CACNA1D: variants seen among roughly 807,000 people sequenced by gnomAD.
CACNA1D encodes the protein calcium voltage-gated channel subunit alpha1 D.
CACNA1D carries 55 observed loss-of-function variants against 257.1 expected under a neutral mutation model. That is an observed-to-expected ratio of 0.21 (90% confidence interval 0.17 to 0.27). The LOEUF (loss-of-function observed/expected upper bound fraction) is 0.27, where lower values mean the gene tolerates loss of function less well. Ranked by LOEUF, CACNA1D falls within the 10% of genes least tolerant of loss-of-function variation. CACNA1D has a pLI of 1.00. For missense variants in CACNA1D, 1,876 were observed against 2,784.0 expected, an observed-to-expected ratio of 0.67 and a Z score of 7.34; for synonymous variants, 980 against 1,014.9, an observed-to-expected ratio of 0.97 and a Z score of 0.65.
intron 33 of CACNA1D, among the ~76,000 whole-genome samples, chr3:53,773,214 G>A (rs1559661871): frequency 6.6e-6 from 1 of 152,074 alleles, no homozygotes; most frequent in African/African-American, 2.4e-5. Context: ...GAAGAGAGAA[G>A]CAAGTAGCCC....
intron 29 of CACNA1D, among the ~76,000 whole-genome samples, chr3:53,761,090 G>T (rs1341376441): frequency 1.3e-5 from 2 of 152,196 alleles, no homozygotes; most frequent in African/African-American, 4.8e-5. Flanking sequence ...TGAACAGATG[G>T]AGTTGGGGTT....
chr3:53,588,762 T>C (rs2093259120), intron 3 of CACNA1D, among the ~76,000 whole-genome samples: 1 of 152,192 alleles, frequency 6.6e-6, no homozygotes, highest in African/African-American at 2.4e-5. Flanking sequence ...AGTGATTTGG[T>C]ACTCCCAAGG....
At chr3:53,788,097 C>G (rs2095465366) in intron 40 of CACNA1D, among the ~76,000 whole-genome samples, 1 of 151,880 alleles carries the variant, frequency 6.6e-6, no homozygotes, top group Admixed American at 6.6e-5. Context: ...TTTGATCTTG[C>G]TGAGAGAGAG....
At chr3:53,735,552 G>A (rs751510678) in intron 20 of CACNA1D, 49 bp downstream of exon 20, 35 of 1,603,952 alleles carry the variant, frequency 2.2e-5, no homozygotes, top group Middle Eastern at 1.7e-4. Context: ...GGCCTCTCTC[G>A]GGCAGAGGCC....
At chr3:53,683,567 T>C (rs2094450330) in intron 8 of CACNA1D, among the ~76,000 whole-genome samples, 1 of 152,204 alleles carries the variant, frequency 6.6e-6, no homozygotes, top group African/African-American at 2.4e-5. Flanking sequence ...CAGGAAAATA[T>C]TCACGATCAA....
intron 4 of CACNA1D, among the ~76,000 whole-genome samples, chr3:53,655,096 G>T (rs556115780): frequency 1.3e-5 from 2 of 152,246 alleles, no homozygotes; most frequent in Non-Finnish European, 1.5e-5. Context: ...GCGTTAGTTT[G>T]CTAAGGATAA....
At chr3:53,539,371 G>A (rs1010965050) in intron 3 of CACNA1D, among the ~76,000 whole-genome samples, 13 of 152,150 alleles carry the variant, frequency 8.5e-5, no homozygotes, top group Admixed American at 3.3e-4. Context: ...GCCTCCCAAA[G>A]TGCTGGGATT....
intron 3 of CACNA1D, among the ~76,000 whole-genome samples, chr3:53,566,782 G>A (rs1022616412): frequency 5.9e-5 from 9 of 152,094 alleles, no homozygotes; most frequent in Non-Finnish European, 7.4e-5. Flanking sequence ...CCTCTCTGTC[G>A]GAAACTTGCA....
intron 3 of CACNA1D, among the ~76,000 whole-genome samples, chr3:53,573,584 G>T (rs79102259): frequency 0.052 from 7,946 of 152,174 alleles, 678 homozygotes; most frequent in African/African-American, 0.18. Context: ...TCTCCTTTGT[G>T]CTTCTCCCTA....
chr3:53,747,509 C>A (rs760021691), intron 26 of CACNA1D, 61 bp downstream of exon 26: 290 of 1,541,908 alleles, frequency 1.9e-4, no homozygotes, highest in Non-Finnish European at 2.5e-4. Flanking sequence ...GCTGAGCCCT[C>A]CCTCCTGGAG....
intron 3 of CACNA1D, among the ~76,000 whole-genome samples, chr3:53,616,057 TTGA>T (rs1302917187): frequency 7.2e-5 from 11 of 152,328 alleles, no homozygotes; most frequent in Admixed American, 7.2e-4. Flanking sequence ...AGGTTTAGAC[TTGA>T]TGATCCTTGG....
Position 53,749,325 on chromosome 3 carries a change from C to T in CACNA1D, c.3372C>T (p.His1124=), listed in dbSNP as rs2095203733. 3.7e-6 allele frequency: 6 copies of T among 1,613,756 alleles called. No homozygotes were observed. Among genetic ancestry groups the T allele is most frequent in the Non-Finnish European group, 5.1e-6 (6 of 1,179,618 alleles). The change falls in exon 27 of 48, where the codon CAC becomes CAT. Residue 1124 remains histidine, a synonymous_variant. Transcript: ENST00000350061. ...NGENIGPIYN[H]RVEISIFFII... is the part of the protein sequence containing the mutation. ...AGAACATCGGCCCAATCTACAACCA[C>T]CGCGTGGAGATCTCCATCTTCTTCA... is the stretch of plus-strand genomic sequence containing the variant.
At position 53,760,702 on chromosome 3, in the gene CACNA1D, C is replaced by T. The variant is rs77842520; in HGVS notation, c.3787-1296C>T. On this transcript the variant is annotated intron_variant, in intron 29 of 47. Coordinates refer to ENST00000350061, the MANE Select transcript of CACNA1D (RefSeq NM_001128840.3). ...GAAGATGTAAAATGTCCGGCACATA[C>T]ATATAGATTTTAAGTTACAATTGTG... is the stretch of plus-strand genomic sequence containing the variant. Among the ~76,000 whole-genome samples, 50 of 152,322 alleles carry T rather than the reference C, an allele frequency of 3.3e-4. 1 individual carries two copies. In the East Asian group the frequency reaches 9.6e-3, roughly 29 times the overall value.
chr3:53,718,077 C>T (rs1010945446), intron 9 of CACNA1D, among the ~76,000 whole-genome samples: 34 of 152,296 alleles, frequency 2.2e-4, no homozygotes, highest in African/African-American at 5.5e-4. Context: ...ATGTCCTCCT[C>T]GAGGGGGACT....
chr3:53,642,260 C>T (rs1340980759), intron 3 of CACNA1D, among the ~76,000 whole-genome samples: 2 of 152,172 alleles, frequency 1.3e-5, no homozygotes, highest in Admixed American at 6.5e-5. Flanking sequence ...TCTCTATGTC[C>T]CCCTGGCAAC....
At chr3:53,707,797 A>G (rs1009456648) in intron 9 of CACNA1D, among the ~76,000 whole-genome samples, 1 of 152,026 alleles carries the variant, frequency 6.6e-6, no homozygotes, top group African/African-American at 2.4e-5. Flanking sequence ...TTAGTCTTAA[A>G]AAAAAAAAGC....
chr3:53,631,230 A>G (rs979749150), intron 3 of CACNA1D, among the ~76,000 whole-genome samples: 4 of 152,214 alleles, frequency 2.6e-5, no homozygotes, highest in South Asian at 2.1e-4. Flanking sequence ...ATTGGAGTCA[A>G]TCCTCTCAAA....
At chr3:53,586,024 T>C (rs2093209381) in intron 3 of CACNA1D, among the ~76,000 whole-genome samples, 1 of 152,060 alleles carries the variant, frequency 6.6e-6, no homozygotes, top group African/African-American at 2.4e-5. Context: ...TTTAAGTAGA[T>C]CCAAATATGG....
At chr3:53,569,120 G>A (rs2092900122) in intron 3 of CACNA1D, among the ~76,000 whole-genome samples, 2 of 152,104 alleles carry the variant, frequency 1.3e-5, no homozygotes, top group Non-Finnish European at 1.5e-5. Context: ...CTGGCCATTT[G>A]TTGTCTTGTT....
Sources: allele counts gnomAD v4.1 joint callset (sites outside exome capture counted in the v4.1 genomes callset), GRCh38; gene constraint gnomAD v4.1.1; transcripts MANE v1.5; gene names NCBI Gene and HGNC (gene_info 2026-07-23, HGNC 2026-07-21).